Variants in ADCY1 observed in about 807,000 individuals in gnomAD.
The protein encoded by ADCY1 is adenylate cyclase type 1.
A neutral mutation model predicts 105.4 loss-of-function variants in ADCY1; 28 were observed. That is an observed-to-expected ratio of 0.27 (90% CI 0.20 to 0.36). ADCY1 has a LOEUF of 0.36. Among genes scored for constraint, ADCY1 ranks in the 10% least tolerant of loss-of-function variants. ADCY1 has a pLI of 1.00. For missense variants in ADCY1, 977 were observed against 1,434.2 expected (o/e 0.68, Z 5.15); for synonymous variants, 655 against 623.8 (o/e 1.05, Z -0.75).
intron 2 of ADCY1, 143 bp downstream of exon 2, chr7:45,593,051 G>A: frequency 8.1e-7 from 1 of 1,235,862 alleles, no homozygotes; most frequent in Non-Finnish European, 1.1e-6. Context: ...TGAGGCTGTG[G>A]AGGAGATGCC....
chr7:45,601,564 CTCGATGGTGATT>C (rs558663238), intron 2 of ADCY1, among the ~76,000 whole-genome samples: 30 of 152,124 alleles, frequency 2.0e-4, no homozygotes, highest in African/African-American at 7.2e-4. Flanking sequence ...TCTGGTTTGT[CTCGATGGTGATT>C]TTACCTTGTG....
intron 4 of ADCY1, among the ~76,000 whole-genome samples, chr7:45,648,005 A>G (rs575890398): frequency 1.3e-5 from 2 of 152,350 alleles, no homozygotes; most frequent in East Asian, 3.9e-4. Flanking sequence ...GTTGACACTG[A>G]TTGATCCAAG....
Position 45,686,451 on chromosome 7 carries a change from C to T in ADCY1, c.2328-96C>T, listed in dbSNP as rs1486612326. 2 of 1,515,698 alleles carry T rather than the reference C, an allele frequency of 1.3e-6. No individual in the cohort carries two copies. Among genetic ancestry groups the T allele is most frequent in the South Asian group, 1.3e-5 (1 of 75,768 alleles). 93.9% of individuals were successfully genotyped at this position (1,515,698 alleles called of 1,614,324 possible). ...AGCAAGCTGTTTTTGGGTGTCACCA[C>T]CTGAGGGTCACTCTGAACAGTTCTT... On this transcript the variant is annotated intron_variant, in intron 13 of 19. Transcript: ENST00000297323. The surrounding 1 kb of genome is among the most constrained non-coding windows in gnomAD (Gnocchi z 4.3).
intron 4 of ADCY1, among the ~76,000 whole-genome samples, chr7:45,630,595 A>G (rs1156298933): frequency 6.6e-6 from 1 of 152,016 alleles, no homozygotes; most frequent in African/African-American, 2.4e-5. Flanking sequence ...CTCTGTCTTC[A>G]TATTGCTGTG....
chr7:45,699,029 C>T (rs1784937879), intron 14 of ADCY1, among the ~76,000 whole-genome samples: 1 of 152,196 alleles, frequency 6.6e-6, no homozygotes, highest in Admixed American at 6.5e-5. Flanking sequence ...AGTACCAACT[C>T]ATGGTGTGAG....
chr7:45,688,167 G>A (rs754548688), intron 14 of ADCY1, among the ~76,000 whole-genome samples: 28 of 152,220 alleles, frequency 1.8e-4, no homozygotes, highest in African/African-American at 6.0e-4. Context: ...GGTGGTCCTC[G>A]TCCTGAATTC....
rs116824961 is a variant in ADCY1 at position 45,670,819 on chromosome 7, C to T, written c.1606-7050C>T. Among the ~76,000 whole-genome samples, 428 of 152,030 alleles carry T rather than the reference C, an allele frequency of 2.8e-3. 3 individuals carry two copies. The highest frequency in any genetic ancestry group is 9.9e-3 in the African/African-American group (409 of 41,438). On this transcript the variant is annotated intron_variant, in intron 8 of 19. Coordinates refer to ENST00000297323, the MANE Select transcript of ADCY1 (RefSeq NM_021116.4). ...CCCAACTGGAGGGTGGACCCATGTTCGTCTGCCCCGACTTAAGGCTGGACA... is the reference window on the plus strand; with the variant it reads ...CCCAACTGGAGGGTGGACCCATGTTTGTCTGCCCCGACTTAAGGCTGGACA...
intron 2 of ADCY1, among the ~76,000 whole-genome samples, chr7:45,605,707 A>T (rs1372475034): frequency 1.3e-5 from 2 of 152,182 alleles, no homozygotes; most frequent in Non-Finnish European, 2.9e-5. Context: ...ATCTTGTAAA[A>T]GACTTTTATA....
Position 45,721,610 on chromosome 7 carries a change from C to T in ADCY1, c.*7615C>T. 2 of 398,550 alleles carry T rather than the reference C, an allele frequency of 5.0e-6. No homozygotes were observed. The highest frequency in any genetic ancestry group is 4.4e-6 in the Non-Finnish European group (1 of 226,068). The allele number at this position is 398,550 out of a possible 1,614,324, so 24.7% of individuals were successfully genotyped here. On this transcript the variant is annotated 3_prime_UTR_variant, in exon 20 of 20. Transcript: ENST00000297323. ...CCATTGGTTGTATTTGCTACTTTTACTTTCATCTTCCTCTGCTGTAGAGCC... is the reference window on the plus strand; with the variant it reads ...CCATTGGTTGTATTTGCTACTTTTATTTTCATCTTCCTCTGCTGTAGAGCC...
At chr7:45,670,825 C>T (rs1784350579) in intron 8 of ADCY1, among the ~76,000 whole-genome samples, 1 of 152,160 alleles carries the variant, frequency 6.6e-6, no homozygotes, top group South Asian at 2.1e-4. Flanking sequence ...TGTTCGTCTG[C>T]CCCGACTTAA....
At chr7:45,612,657 A>G (rs1293719189) in intron 3 of ADCY1, among the ~76,000 whole-genome samples, 6 of 152,192 alleles carry the variant, frequency 3.9e-5, no homozygotes, top group Non-Finnish European at 8.8e-5. Flanking sequence ...CTCAGCATAG[A>G]GTGAACTGAT....
At chr7:45,637,718 C>G (rs1356169500) in intron 4 of ADCY1, among the ~76,000 whole-genome samples, 1 of 152,144 alleles carries the variant, frequency 6.6e-6, no homozygotes, top group Non-Finnish European at 1.5e-5. Flanking sequence ...GATTGAGACC[C>G]TATGTGTGAA....
chr7:45,575,215 CGGACACACTTGCTG>C lies in ADCY1; in HGVS notation c.639+38_639+51del, dbSNP rs1792298889. 6.5e-7 allele frequency: 1 copy of C among 1,543,472 alleles called. No homozygotes were observed. Among genetic ancestry groups the C allele is most frequent in the Admixed American group, 2.0e-5 (1 of 49,736 alleles). ...CAGCCGCGCACCCCTCATCTGGTCT[CGGACACACTTGCTG>C]GGACGATGCTGGGAATGCCCGGAGT... On this transcript the variant is annotated intron_variant, in intron 1 of 19. Transcript: ENST00000297323. The surrounding 1 kb of genome is among the most constrained non-coding windows in gnomAD (Gnocchi z 4.7).
intron 4 of ADCY1, among the ~76,000 whole-genome samples, chr7:45,631,318 CA>C (rs1465820338): frequency 4.6e-5 from 7 of 152,168 alleles, no homozygotes; most frequent in Admixed American, 4.6e-4. Flanking sequence ...AGAGAATTGT[CA>C]AATAACGTTG....
At chr7:45,610,722 AGGGGAT>A (rs1793517483) in intron 3 of ADCY1, among the ~76,000 whole-genome samples, 1 of 67,482 alleles carries the variant, frequency 1.5e-5, no homozygotes, top group Non-Finnish European at 3.0e-5. Context: ...GGAGGTGAGG[AGGGGAT>A]AGTGGAGGTG....
At chr7:45,583,474 G>A (rs1792623327) in intron 1 of ADCY1, among the ~76,000 whole-genome samples, 2 of 152,204 alleles carry the variant, frequency 1.3e-5, no homozygotes, top group African/African-American at 4.8e-5. Flanking sequence ...AAAATACAGA[G>A]CAGCTCTTTT....
chr7:45,642,306 G>A (rs917600827), intron 4 of ADCY1, among the ~76,000 whole-genome samples: 8 of 152,186 alleles, frequency 5.3e-5, no homozygotes, highest in African/African-American at 1.9e-4. Flanking sequence ...CTATAGGAGT[G>A]GGCCCTGGTT....
chr7:45,656,696 G>T (rs1794954082), intron 5 of ADCY1, among the ~76,000 whole-genome samples: 1 of 152,192 alleles, frequency 6.6e-6, no homozygotes, highest in South Asian at 2.1e-4. Context: ...AGGCTTCTCG[G>T]GTGGGTGGCA....
At chr7:45,596,446 G>A (rs1297563581) in intron 2 of ADCY1, among the ~76,000 whole-genome samples, 2 of 152,148 alleles carry the variant, frequency 1.3e-5, no homozygotes, top group East Asian at 1.9e-4. Flanking sequence ...CCCCAGTCTG[G>A]GAGGGCTTCT....
Sources: gnomAD v4.1 joint callset for allele counts (sites outside exome capture counted in the v4.1 genomes callset) on GRCh38, gnomAD v4.1.1 for gene constraint, Gnocchi (gnomAD v3.1) non-coding constraint, MANE v1.5 for transcripts, NCBI Gene and HGNC (gene_info 2026-07-23, HGNC 2026-07-21) for gene names.